TRANK1: variants seen among roughly 807,000 people sequenced by gnomAD.
TRANK1 encodes tetratricopeptide repeat and ankyrin repeat containing 1.
TRANK1 carries 198 observed loss-of-function variants against 266.0 expected under a neutral mutation model. The observed-to-expected ratio is 0.74, with a 90% CI of 0.66 to 0.84. TRANK1 has a LOEUF of 0.84. TRANK1 is among the 40% of genes least tolerant of loss of function. The probability of loss-of-function intolerance (pLI) is 0.00; values close to 1 mark genes in which losing one functional copy is unlikely to be tolerated. For missense variants in TRANK1, 3,326 were observed against 3,634.6 expected, an observed-to-expected ratio of 0.92 and a Z score of 2.18; for synonymous variants, 1,396 against 1,384.1, an observed-to-expected ratio of 1.01 and a Z score of -0.19.
chr3:36,919,169 C>G (rs7622114), intron 1 of TRANK1, among the ~76,000 whole-genome samples: 1 of 151,924 alleles, frequency 6.6e-6, no homozygotes, highest in Non-Finnish European at 1.5e-5. Context: ...GAGGCAAAAC[C>G]TAGTATAATG....
Position 36,838,688 on chromosome 3 carries a change from C to CCT in TRANK1, c.5307_5308dup (p.Gly1770GlufsTer17). On this transcript the variant is annotated frameshift_variant, in exon 19 of 24. Transcript: ENST00000645898. LOFTEE classifies it high-confidence loss of function. ...GGCCAACTTCTCCTTCTCAAATGCA[C>CCT]CTCCTTTCTGGTAACACTTGGCTGC... The CCT allele has an allele frequency of 6.2e-7, 1 of 1,613,658 alleles. No individual in the cohort carries two copies. Among genetic ancestry groups the CCT allele is most frequent in the Non-Finnish European group, 8.5e-7 (1 of 1,179,772 alleles).
chr3:36,833,190 C>A lies in TRANK1; in HGVS notation c.6393G>T (p.Gln2131His). Residue 2131 changes from glutamine to histidine, a missense_variant, in exon 22 of 24, where the codon CAG becomes CAT. Coordinates refer to ENST00000645898, the MANE Select transcript of TRANK1 (RefSeq NM_001329998.2). ...QVDAKYCQIAQNDPGPILRII... is the reference protein window; with the variant it reads ...QVDAKYCQIAHNDPGPILRII... The stretch of plus-strand genomic sequence containing the variant: ...TTCTTAATATGGGCCCAGGGTCATT[C>A]TGAGCTATCTGGCAATACTTGGCAT... The A allele has an allele frequency of 1.2e-6, 2 of 1,613,920 alleles. No individual in the cohort carries two copies. Among genetic ancestry groups the A allele is most frequent in the Non-Finnish European group, 8.5e-7 (1 of 1,179,852 alleles).
intron 1 of TRANK1, among the ~76,000 whole-genome samples, chr3:36,937,601 G>A (rs999251089): frequency 2.0e-5 from 3 of 152,170 alleles, no homozygotes; most frequent in Non-Finnish European, 2.9e-5. Flanking sequence ...TCAAATTCCT[G>A]CAAAAGCCAG....
At chr3:36,932,081 T>C (rs897045069) in intron 1 of TRANK1, among the ~76,000 whole-genome samples, 4 of 152,220 alleles carry the variant, frequency 2.6e-5, no homozygotes, top group African/African-American at 9.6e-5. Context: ...TTTTATGTAA[T>C]CTTCACATTT....
chr3:36,872,908 C>T (rs1385050210), intron 9 of TRANK1, among the ~76,000 whole-genome samples: 2 of 152,020 alleles, frequency 1.3e-5, no homozygotes, highest in Non-Finnish European at 2.9e-5. Context: ...TGCAGGACTC[C>T]GAGGACAGAG....
intron 8 of TRANK1, among the ~76,000 whole-genome samples, chr3:36,875,424 A>C (rs973933942): frequency 1.3e-5 from 2 of 152,220 alleles, no homozygotes; most frequent in African/African-American, 4.8e-5. Flanking sequence ...CTGGGATCTC[A>C]ATCCAACAAT....
chr3:36,895,586 A>T, intron 5 of TRANK1, 54 bp downstream of exon 5: 1 of 1,107,104 alleles, frequency 9.0e-7, no homozygotes, highest in Non-Finnish European at 1.2e-6. Flanking sequence ...AATGGAAAGG[A>T]ATCATTTCAT....
chr3:36,864,888 C>T (rs1456486471), intron 9 of TRANK1, among the ~76,000 whole-genome samples: 3 of 152,118 alleles, frequency 2.0e-5, no homozygotes, highest in Non-Finnish European at 4.4e-5. Flanking sequence ...AGAAACCAGC[C>T]AACATCAGCA....
At chr3:36,914,065 A>G (rs2080091666) in intron 1 of TRANK1, among the ~76,000 whole-genome samples, 1 of 152,206 alleles carries the variant, frequency 6.6e-6, no homozygotes, top group Non-Finnish European at 1.5e-5. Flanking sequence ...CACAGCAAAA[A>G]GTAAACACCA....
At chr3:36,849,096 T>C (rs910243117) in intron 15 of TRANK1, among the ~76,000 whole-genome samples, 26 of 152,170 alleles carry the variant, frequency 1.7e-4, no homozygotes, top group African/African-American at 6.0e-4. Context: ...CAGTTTCTTT[T>C]CTTGGTACTA....
chr3:36,925,834 T>C (rs924128251), intron 1 of TRANK1, among the ~76,000 whole-genome samples: 1 of 152,184 alleles, frequency 6.6e-6, no homozygotes, highest in Non-Finnish European at 1.5e-5. Context: ...TCCACCCACC[T>C]TGGCCTCCCA....
At position 36,856,114 on chromosome 3, in the gene TRANK1, T is replaced by G; in HGVS notation, c.3608A>C (p.Gln1203Pro). 1 of 1,613,880 alleles carries G rather than the reference T, an allele frequency of 6.2e-7. No individual in the cohort carries two copies. Among genetic ancestry groups the G allele is most frequent in the South Asian group, 1.1e-5 (1 of 91,080 alleles). The change falls in exon 13 of 24, where the codon CAG becomes CCG. Residue 1203 changes from glutamine to proline, a missense_variant. Coordinates refer to ENST00000645898, the MANE Select transcript of TRANK1 (RefSeq NM_001329998.2). ...CTCAATGAAATTCCTTTGTACCTCC[T>G]GGCACAGCACATGGTTCTTGGTCAC... is the stretch of plus-strand genomic sequence containing the variant. ...IFVTKNHVLCQEVQRNFIELS... is the reference protein window; with the variant it reads ...IFVTKNHVLCPEVQRNFIELS...
intron 8 of TRANK1, among the ~76,000 whole-genome samples, chr3:36,881,340 T>C (rs576879643): frequency 6.6e-6 from 1 of 152,120 alleles, no homozygotes; most frequent in East Asian, 1.9e-4. Context: ...TAGTCCCAGA[T>C]ACTGGGGAGG....
At chr3:36,938,557 C>A in intron 1 of TRANK1, among the ~76,000 whole-genome samples, 1 of 152,070 alleles carries the variant, frequency 6.6e-6, no homozygotes, top group Non-Finnish European at 1.5e-5. Context: ...AGTTTCCTGA[C>A]ACATACATAG....
chr3:36,857,136 G>A lies in TRANK1; in HGVS notation c.2586C>T (p.Ala862=). ...TKVIKKKIIL[A]IQQLGNGEWT... is the part of the protein sequence containing the mutation. ...ACTCGCCATTTCCCAGCTGCTGAATGGCAAGGATGATTTTCTTCTTGATGA... is the reference window on the plus strand; with the variant it reads ...ACTCGCCATTTCCCAGCTGCTGAATAGCAAGGATGATTTTCTTCTTGATGA... The change falls in exon 13 of 24, where the codon GCC becomes GCT. Residue 862 remains alanine, a synonymous_variant. Coordinates refer to ENST00000645898, the MANE Select transcript of TRANK1 (RefSeq NM_001329998.2). The surrounding 1 kb of genome is among the most constrained non-coding windows in gnomAD (Gnocchi z 4.3). 6.2e-7 allele frequency: 1 copy of A among 1,613,954 alleles called. No homozygotes were observed. Among genetic ancestry groups the A allele is most frequent in the Non-Finnish European group, 8.5e-7 (1 of 1,179,894 alleles).
intron 1 of TRANK1, among the ~76,000 whole-genome samples, chr3:36,930,780 A>G (rs2080351280): frequency 6.6e-6 from 1 of 152,222 alleles, no homozygotes; most frequent in African/African-American, 2.4e-5. Context: ...TGCCAAAAAA[A>G]GAGAGGGGGA....
At chr3:36,884,380 C>A (rs991025856) in intron 8 of TRANK1, among the ~76,000 whole-genome samples, 1 of 152,136 alleles carries the variant, frequency 6.6e-6, no homozygotes, top group Non-Finnish European at 1.5e-5. Flanking sequence ...AGGGCTGGGA[C>A]AGGGACCACG....
At position 36,876,234 on chromosome 3, in the gene TRANK1, C is replaced by T. The variant is rs1450704909; in HGVS notation, c.908-1938G>A. Among the ~76,000 whole-genome samples the T allele has an allele frequency of 2.0e-5, 3 of 152,380 alleles. No homozygotes were observed. The East Asian group carries it at 5.8e-4, about 29-fold the overall frequency. On this transcript the variant is annotated intron_variant, in intron 8 of 23. Coordinates refer to ENST00000645898, the MANE Select transcript of TRANK1 (RefSeq NM_001329998.2). ...TGAACACCAGACCGACTGACACACA[C>T]CCCTGTGACAACCACATTCTCTACC...
chr3:36,883,497 C>T (rs1255403251), intron 8 of TRANK1, among the ~76,000 whole-genome samples: 1 of 142,540 alleles, frequency 7.0e-6, no homozygotes, highest in Admixed American at 7.0e-5. Flanking sequence ...AAAAAGAAAA[C>T]GTGCCAAAGA....
Sources: allele counts gnomAD v4.1 joint callset (sites outside exome capture counted in the v4.1 genomes callset), GRCh38; gene constraint gnomAD v4.1.1; non-coding constraint Gnocchi (gnomAD v3.1); transcripts MANE v1.5; gene names NCBI Gene and HGNC (gene_info 2026-07-23, HGNC 2026-07-21).